Variants in KCNQ1 observed in about 807,000 individuals in gnomAD.
The protein encoded by KCNQ1 is potassium voltage-gated channel subfamily KQT member 1.
In KCNQ1, 49 loss-of-function variants were observed where a neutral mutation model predicts 72.4. That is an observed-to-expected ratio of 0.68 (90% CI 0.54 to 0.86). The LOEUF (loss-of-function observed/expected upper bound fraction) is 0.86, where lower values mean the gene tolerates loss of function less well. Among genes scored for constraint, KCNQ1 ranks in the 40% least tolerant of loss-of-function variants. KCNQ1 has a pLI of 0.00. For synonymous variants in KCNQ1, 450 were observed against 412.6 expected (o/e 1.09, Z -1.10); for missense variants, 790 against 945.1 (o/e 0.84, Z 2.15).
At chr11:2,519,493 G>A (rs576420305) in intron 1 of KCNQ1, among the ~76,000 whole-genome samples, 23 of 152,252 alleles carry the variant, frequency 1.5e-4, no homozygotes, top group Admixed American at 7.2e-4. Context: ...GGTGGCTTAC[G>A]CCTGTAATCC....
At chr11:2,499,440 A>G (rs546290000) in intron 1 of KCNQ1, among the ~76,000 whole-genome samples, 2 of 152,084 alleles carry the variant, frequency 1.3e-5, no homozygotes, top group South Asian at 4.2e-4. Flanking sequence ...AAATGGCAAG[A>G]GTGAGTCCTT....
intron 2 of KCNQ1, among the ~76,000 whole-genome samples, chr11:2,569,785 G>A (rs1488770562): frequency 6.6e-6 from 1 of 152,220 alleles, no homozygotes; most frequent in African/African-American, 2.4e-5. Flanking sequence ...TCCCCACCAA[G>A]CCCACTGAGC....
rs1850296750 is a variant in KCNQ1 at position 2,676,479 on chromosome 11, C to G, written c.1514+14398C>G. ...GCTCAGATTGTTAGCTGTAGTCTTT[C>G]TGGCATCAGTTCCATTTCTGGTGAA... On this transcript the variant is annotated intron_variant, in intron 11 of 15. Coordinates refer to ENST00000155840, the MANE Select transcript of KCNQ1 (RefSeq NM_000218.3). This position sits in a 1 kb window ranked among gnomAD's most constrained non-coding sequence, Gnocchi z 4.2. The G allele has an allele frequency of 2.5e-6, 1 of 398,548 alleles. No homozygotes were observed. The highest frequency in any genetic ancestry group is 2.1e-5 in the African/African-American group (1 of 48,636). The allele number at this position is 398,548 out of a possible 1,614,324, so 24.7% of individuals were successfully genotyped here. A position where few individuals can be genotyped will look rare whatever the true frequency, so the allele number is the denominator to read the frequency against.
At chr11:2,780,368 G>T (rs987481149) in intron 15 of KCNQ1, among the ~76,000 whole-genome samples, 4 of 152,220 alleles carry the variant, frequency 2.6e-5, no homozygotes, top group African/African-American at 9.6e-5. Flanking sequence ...GCGCAATCCT[G>T]CTGACTTCGG....
At chr11:2,694,275 G>A in intron 11 of KCNQ1, 1 of 398,684 alleles carries the variant, frequency 2.5e-6, no homozygotes, top group Non-Finnish European at 4.4e-6. Context: ...AGCCACAGCA[G>A]AGACACCATC....
intron 11 of KCNQ1, among the ~76,000 whole-genome samples, chr11:2,727,463 G>A (rs1845783882): frequency 6.6e-6 from 1 of 152,170 alleles, no homozygotes; most frequent in African/African-American, 2.4e-5. Context: ...TGTCCCTGGG[G>A]GAAATCCTAC....
At chr11:2,636,039 C>A (rs1175965682) in intron 10 of KCNQ1, 2 of 152,134 alleles carry the variant, frequency 1.3e-5, no homozygotes, top group African/African-American at 4.8e-5. Flanking sequence ...GATTTTGTAT[C>A]CTGAGACTTT....
At chr11:2,634,839 C>T (rs1249083529) in intron 10 of KCNQ1, 4 of 152,202 alleles carry the variant, frequency 2.6e-5, no homozygotes, top group African/African-American at 9.6e-5. Flanking sequence ...TCTCCAGCAC[C>T]TGTTGTTTCC....
chr11:2,584,070 GGTATGT>G (rs1288156239), intron 7 of KCNQ1, among the ~76,000 whole-genome samples: 1 of 152,080 alleles, frequency 6.6e-6, no homozygotes, highest in Admixed American at 6.6e-5. Context: ...GTATACTATG[GGTATGT>G]GTATATGTAT....
intron 11 of KCNQ1, chr11:2,667,017 C>T (rs771085467): frequency 5.5e-5 from 22 of 398,710 alleles, no homozygotes; most frequent in Middle Eastern, 6.3e-4. Flanking sequence ...ATAGGATCCC[C>T]GTCAGAGCCC....
intron 10 of KCNQ1, chr11:2,636,597 T>C (rs541736937): frequency 2.6e-4 from 39 of 152,278 alleles, no homozygotes; most frequent in African/African-American, 9.1e-4. Flanking sequence ...CAGTATTTTA[T>C]TGAGGATTTT....
chr11:2,572,215 C>T (rs543944271), intron 5 of KCNQ1, 106 bp downstream of exon 5: 25 of 819,010 alleles, frequency 3.1e-5, no homozygotes, highest in South Asian at 1.2e-4. Flanking sequence ...CCCCGGGGGC[C>T]GGTGGGTGCC....
intron 11 of KCNQ1, among the ~76,000 whole-genome samples, chr11:2,737,004 G>A (rs757346432): frequency 6.6e-6 from 1 of 152,142 alleles, no homozygotes; most frequent in Non-Finnish European, 1.5e-5. Flanking sequence ...AGTGCCCCTC[G>A]CCAGCACTCC....
chr11:2,587,749 G>T, intron 9 of KCNQ1, 57 bp downstream of exon 9: 3 of 1,610,404 alleles, frequency 1.9e-6, no homozygotes, highest in African/African-American at 1.3e-5. Context: ...TGGGGAGGCC[G>T]TGGGGGCCGC....
In KCNQ1 at chr11:2,752,285, C is replaced by T. The variant is rs371096594; in HGVS notation, c.1515-16559C>T. Among the ~76,000 whole-genome samples, 25 of 151,348 alleles carry T rather than the reference C, an allele frequency of 1.7e-4. No individual in the cohort carries two copies. In the East Asian group the frequency reaches 4.3e-3, roughly 26 times the overall value. On this transcript the variant is annotated intron_variant, in intron 11 of 15. Coordinates refer to ENST00000155840, the MANE Select transcript of KCNQ1 (RefSeq NM_000218.3). The surrounding 1 kb of genome is among the most constrained non-coding windows in gnomAD (Gnocchi z 5.2). ...TTCCATGGAGCTGATCTGAACCCAG[C>T]TGAGTGGCTTCCATGGAGCTGATCT...
intron 10 of KCNQ1, chr11:2,636,353 C>T (rs991922584): frequency 1.6e-4 from 24 of 151,570 alleles, no homozygotes; most frequent in Non-Finnish European, 3.2e-4. Flanking sequence ...TTTTGAGATA[C>T]ATCCCATCAA....
intron 15 of KCNQ1, among the ~76,000 whole-genome samples, chr11:2,833,964 G>C (rs1184969095): frequency 5.3e-5 from 8 of 152,248 alleles, no homozygotes; most frequent in African/African-American, 1.9e-4. Context: ...CCCCTTCCCA[G>C]GCTGTCAGCA....
rs1208554307 is a variant in KCNQ1, at chr11:2,704,982, C to A, written c.1514+42901C>A. Among the ~76,000 whole-genome samples the A allele has an allele frequency of 1.3e-5, 2 of 152,100 alleles. No individual in the cohort carries two copies. The highest frequency in any genetic ancestry group is 4.8e-5 in the African/African-American group (2 of 41,420). Reference sequence around the variant, plus strand: ...GGGGCACTGTCACCCTGTGGCATGGCCTGTTTGTGGTGTCCATTGCCGTCT... The same window carrying A: ...GGGGCACTGTCACCCTGTGGCATGGACTGTTTGTGGTGTCCATTGCCGTCT... On this transcript the variant is annotated intron_variant, in intron 11 of 15. Transcript: ENST00000155840. This position sits in a 1 kb window ranked among gnomAD's most constrained non-coding sequence, Gnocchi z 4.3.
rs1348861880 is a variant in KCNQ1, at chr11:2,676,266, C to T, written c.1514+14185C>T. On this transcript the variant is annotated intron_variant, in intron 11 of 15. Transcript: ENST00000155840. This position sits in a 1 kb window ranked among gnomAD's most constrained non-coding sequence, Gnocchi z 4.2. ...GTACATCTGAGAAGCATTTTTATTG[C>T]AAAATGTGTGTTTACATGTATACAG... The T allele has an allele frequency of 2.5e-6, 1 of 398,632 alleles. No individual in the cohort carries two copies. The allele number at this position is 398,632 out of a possible 1,614,324, so 24.7% of individuals were successfully genotyped here.
Sources: allele counts gnomAD v4.1 joint callset (sites outside exome capture counted in the v4.1 genomes callset), GRCh38; gene constraint gnomAD v4.1.1; non-coding constraint Gnocchi (gnomAD v3.1); transcripts MANE v1.5; gene names NCBI Gene and HGNC (gene_info 2026-07-23, HGNC 2026-07-21).